The following SMIM41 variants were observed in gnomAD, a reference collection of about 807,000 sequenced individuals.
The protein encoded by SMIM41 is small integral membrane protein 41.
chr12:52,080,359 AG>A (rs1248448619), intron 1 of SMIM41, among the ~76,000 whole-genome samples, 178 bp downstream of exon 1: 2 of 152,056 alleles, frequency 1.3e-5, no homozygotes, highest in East Asian at 3.9e-4. Flanking sequence ...CAGCCCACCC[AG>A]GTGTGCGGGA....
chr12:52,089,385 A>G (rs1702452415), intron 2 of SMIM41, among the ~76,000 whole-genome samples: 2 of 152,084 alleles, frequency 1.3e-5, no homozygotes, highest in African/African-American at 2.4e-5. Context: ...ACTTGAGTGC[A>G]GGAATTGAAG....
At chr12:52,095,913 G>C (rs1246266275) in intron 2 of SMIM41, among the ~76,000 whole-genome samples, 8 of 151,824 alleles carry the variant, frequency 5.3e-5, no homozygotes, top group Non-Finnish European at 8.8e-5. Context: ...ACACGGGTTT[G>C]TACACTTTCT....
At chr12:52,104,534 G>A (rs1231601282) in intron 2 of SMIM41, among the ~76,000 whole-genome samples, 1 of 152,160 alleles carries the variant, frequency 6.6e-6, no homozygotes, top group Non-Finnish European at 1.5e-5. Context: ...TTCAGTGAGT[G>A]CTGAGGGACG....
rs546116604 is a variant in SMIM41, at chr12:52,108,051, T to G, written c.*868T>G. Reference sequence around the variant, plus strand: ...ATCAGGTGGGAAGTATAAAGCCTTCTCCACCTGTGGGTCTCACCTGTCAGT... The same window carrying G: ...ATCAGGTGGGAAGTATAAAGCCTTCGCCACCTGTGGGTCTCACCTGTCAGT... On this transcript the variant is annotated 3_prime_UTR_variant, in exon 3 of 3. Coordinates refer to ENST00000546390, the MANE Select transcript of SMIM41 (RefSeq NM_001369216.1). 27 of 228,846 alleles carry G rather than the reference T, an allele frequency of 1.2e-4. No individual in the cohort carries two copies. The highest frequency in any genetic ancestry group is 4.5e-4 in the African/African-American group (19 of 42,622). 14.2% of individuals were successfully genotyped at this position (228,846 alleles called of 1,614,324 possible).
At chr12:52,100,622 A>ATTTTT (rs1173057236) in intron 2 of SMIM41, among the ~76,000 whole-genome samples, 7 of 111,124 alleles carry the variant, frequency 6.3e-5, no homozygotes, top group African/African-American at 1.4e-4. Flanking sequence ...GCGCCCAGCT[A>ATTTTT]TTTTTTTTTT....
At chr12:52,096,365 C>T (rs891507181) in intron 2 of SMIM41, among the ~76,000 whole-genome samples, 3 of 151,644 alleles carry the variant, frequency 2.0e-5, no homozygotes, top group Non-Finnish European at 2.9e-5. Context: ...TCAATATCAC[C>T]GGGTGGGTGT....
intron 2 of SMIM41, among the ~76,000 whole-genome samples, chr12:52,100,986 G>A (rs886654426): frequency 4.6e-5 from 7 of 152,116 alleles, no homozygotes; most frequent in African/African-American, 1.4e-4. Context: ...CACACATAAT[G>A]AAGTATTATT....
At chr12:52,099,845 T>C (rs1413901735) in intron 2 of SMIM41, among the ~76,000 whole-genome samples, 1 of 151,860 alleles carries the variant, frequency 6.6e-6, no homozygotes, top group East Asian at 1.9e-4. Flanking sequence ...ATATTGGGAG[T>C]AATATTATCC....
chr12:52,089,167 G>GT lies in SMIM41; in HGVS notation c.*195+5200dup, dbSNP rs112093756. Among the ~76,000 whole-genome samples, 500 of 152,232 alleles carry GT rather than the reference G, an allele frequency of 3.3e-3. 3 individuals carry two copies. The highest frequency in any genetic ancestry group is 0.017 in the Middle Eastern group (5 of 294). ...ATTTAAAAATAGAGCCTGTCAGATG[G>GT]TGTATTAGCTCCTGGGGCTGCCATA... On this transcript the variant is annotated intron_variant, in intron 2 of 2. Transcript: ENST00000546390.
At chr12:52,101,349 C>A (rs1037985498) in intron 2 of SMIM41, among the ~76,000 whole-genome samples, 2 of 152,144 alleles carry the variant, frequency 1.3e-5, no homozygotes, top group African/African-American at 4.8e-5. Context: ...CACTTGAACT[C>A]GGGAGGCGGA....
intron 2 of SMIM41, among the ~76,000 whole-genome samples, chr12:52,096,789 T>C (rs1468283864): frequency 1.4e-5 from 2 of 144,908 alleles, no homozygotes; most frequent in African/African-American, 4.9e-5. Flanking sequence ...ATAATTGATA[T>C]TATTAATTGC....
intron 2 of SMIM41, among the ~76,000 whole-genome samples, chr12:52,101,766 G>A (rs144723049): frequency 4.7e-4 from 72 of 152,050 alleles, no homozygotes; most frequent in African/African-American, 1.6e-3. Context: ...AGGCTGGAGT[G>A]TAGTGGTGCA....
chr12:52,100,459 C>CTTTT (rs560412492), intron 2 of SMIM41, among the ~76,000 whole-genome samples: 1 of 143,750 alleles, frequency 7.0e-6, no homozygotes, highest in African/African-American at 2.5e-5. Flanking sequence ...TATTTTCTTT[C>CTTTT]TTTTTTTTTT....
intron 2 of SMIM41, among the ~76,000 whole-genome samples, chr12:52,096,026 T>A: frequency 6.6e-6 from 1 of 152,026 alleles, no homozygotes; most frequent in African/African-American, 2.4e-5. Context: ...TATCAGCCTC[T>A]CCTCTCCATG....
intron 2 of SMIM41, among the ~76,000 whole-genome samples, chr12:52,102,421 A>G (rs1290109333): frequency 1.3e-5 from 2 of 152,256 alleles, no homozygotes; most frequent in Non-Finnish European, 2.9e-5. Context: ...ATCAAAAAAC[A>G]CTGTGAACTG....
At chr12:52,107,276 G>T (rs1379941297) in intron 2 of SMIM41, 103 bp from the exon 3 acceptor site, 27 of 415,122 alleles carry the variant, frequency 6.5e-5, no homozygotes, top group Non-Finnish European at 1.2e-4. Context: ...CTGGGTGTTG[G>T]TTTACTTGTT....
intron 2 of SMIM41, chr12:52,104,138 A>G (rs775843821): frequency 4.6e-5 from 7 of 152,342 alleles, no homozygotes; most frequent in Non-Finnish European, 8.8e-5. Context: ...AAAAGAAAAG[A>G]AAGAAGTGAA....
At chr12:52,096,500 T>C (rs555125596) in intron 2 of SMIM41, among the ~76,000 whole-genome samples, 2 of 152,030 alleles carry the variant, frequency 1.3e-5, no homozygotes, top group African/African-American at 4.8e-5. Context: ...TTATTACTCA[T>C]TTATTATTAA....
At chr12:52,099,757 C>T (rs922369918) in intron 2 of SMIM41, among the ~76,000 whole-genome samples, 17 of 151,986 alleles carry the variant, frequency 1.1e-4, no homozygotes, top group African/African-American at 4.1e-4. Flanking sequence ...TGGAAAACCC[C>T]GGCTATTTTG....
Sources: allele counts gnomAD v4.1 joint callset (sites outside exome capture counted in the v4.1 genomes callset), GRCh38; gene constraint gnomAD v4.1.1; transcripts MANE v1.5; gene names NCBI Gene and HGNC (gene_info 2026-07-23, HGNC 2026-07-21).